Variants in MEIKIN observed in about 807,000 individuals in gnomAD.
MEIKIN encodes the protein meiotic kinetochore factor, also known as meiosis-specific kinetochore protein.
chr5:131,901,402 G>A (rs1391140592), intron 8 of MEIKIN, among the ~76,000 whole-genome samples: 1 of 152,104 alleles, frequency 6.6e-6, no homozygotes, highest in Non-Finnish European at 1.5e-5. Flanking sequence ...CCCCAGTGGG[G>A]CCTGTTCCCC....
At chr5:131,894,950 G>C (rs1001733765) in intron 8 of MEIKIN, among the ~76,000 whole-genome samples, 1 of 152,166 alleles carries the variant, frequency 6.6e-6, no homozygotes, top group Non-Finnish European at 1.5e-5. Context: ...AATAGGAGTG[G>C]TGAGAGAGCA....
intron 8 of MEIKIN, among the ~76,000 whole-genome samples, chr5:131,907,152 A>C (rs1751255564): frequency 6.6e-6 from 1 of 152,188 alleles, no homozygotes; most frequent in African/African-American, 2.4e-5. Context: ...TCATAATGGA[A>C]ATACAACATA....
intron 4 of MEIKIN, among the ~76,000 whole-genome samples, chr5:131,940,954 T>C (rs1324123117): frequency 6.6e-6 from 1 of 152,072 alleles, no homozygotes; most frequent in Non-Finnish European, 1.5e-5. Flanking sequence ...AGCCCCAACA[T>C]TGACCCTTAA....
intron 4 of MEIKIN, among the ~76,000 whole-genome samples, chr5:131,938,946 T>C (rs1247870729): frequency 1.3e-5 from 2 of 152,332 alleles, no homozygotes; most frequent in East Asian, 3.9e-4. Flanking sequence ...CAGGCCATAT[T>C]ACCAGAACGC....
At chr5:131,864,627 T>C (rs1312328701) in intron 9 of MEIKIN, among the ~76,000 whole-genome samples, 1 of 152,210 alleles carries the variant, frequency 6.6e-6, no homozygotes, top group Non-Finnish European at 1.5e-5. Flanking sequence ...GACTAGATAC[T>C]TTTCTCCTGC....
chr5:131,928,601 A>C (rs1011092579), intron 5 of MEIKIN, among the ~76,000 whole-genome samples: 2 of 152,194 alleles, frequency 1.3e-5, no homozygotes, highest in Non-Finnish European at 2.9e-5. Context: ...ATCTTCAGTT[A>C]GTTTTTAACG....
chr5:131,916,242 A>G (rs574829222), intron 7 of MEIKIN, among the ~76,000 whole-genome samples: 27 of 152,294 alleles, frequency 1.8e-4, no homozygotes, highest in Middle Eastern at 6.8e-3. Context: ...TATATTTACA[A>G]TTGTCACTGT....
In MEIKIN at chr5:131,807,148, T is replaced by C. The variant is rs1772860525; in HGVS notation, c.*88A>G. ...GGAGAATTTTTAATTTTTAATTTCA[T>C]ATAATTTCAGGCAGACATTCTGCTT... On this transcript the variant is annotated 3_prime_UTR_variant, in exon 13 of 13. Coordinates refer to ENST00000442687, the MANE Select transcript of MEIKIN (RefSeq NM_001303622.2). 2 of 398,180 alleles carry C rather than the reference T, an allele frequency of 5.0e-6. No individual in the cohort carries two copies. The highest frequency in any genetic ancestry group is 2.1e-5 in the African/African-American group (1 of 48,628). The allele number at this position is 398,180 out of a possible 1,614,324, so 24.7% of individuals were successfully genotyped here. A position where few individuals can be genotyped will look rare whatever the true frequency, so the allele number is the denominator to read the frequency against.
chr5:131,878,470 G>A (rs888019134), intron 9 of MEIKIN, among the ~76,000 whole-genome samples: 16 of 152,170 alleles, frequency 1.1e-4, no homozygotes, highest in African/African-American at 3.9e-4. Flanking sequence ...GGGAGGCTGA[G>A]GCAGGAGAAT....
intron 8 of MEIKIN, among the ~76,000 whole-genome samples, chr5:131,898,705 A>T (rs1751097403): frequency 6.6e-6 from 1 of 151,956 alleles, no homozygotes; most frequent in Admixed American, 6.6e-5. Flanking sequence ...AGTGAGCAAA[A>T]CTCCGTGGGC....
intron 10 of MEIKIN, 127 bp from the exon 11 acceptor site, chr5:131,851,510 A>C (rs1263616993): frequency 5.1e-6 from 2 of 389,926 alleles, no homozygotes; most frequent in Non-Finnish European, 9.1e-6. Context: ...TTGACACAGG[A>C]ACAATTTCAT....
At chr5:131,933,258 T>G (rs1018494626) in intron 5 of MEIKIN, among the ~76,000 whole-genome samples, 4 of 152,146 alleles carry the variant, frequency 2.6e-5, no homozygotes, top group African/African-American at 9.7e-5. Context: ...AGGTGCAAAA[T>G]TGATTAATAA....
chr5:131,858,972 T>C (rs1750239243), intron 9 of MEIKIN, among the ~76,000 whole-genome samples: 1 of 152,242 alleles, frequency 6.6e-6, no homozygotes, highest in Non-Finnish European at 1.5e-5. Context: ...TATCCACTGC[T>C]GGTGGGAATA....
chr5:131,862,340 T>C (rs1750300597), intron 9 of MEIKIN, among the ~76,000 whole-genome samples: 1 of 152,156 alleles, frequency 6.6e-6, no homozygotes, highest in African/African-American at 2.4e-5. Flanking sequence ...CTCTCTTCTT[T>C]CCTTGGTTAA....
At chr5:131,885,735 G>A (rs2149631401) in intron 8 of MEIKIN, among the ~76,000 whole-genome samples, 2 of 152,198 alleles carry the variant, frequency 1.3e-5, no homozygotes, top group Middle Eastern at 3.4e-3. Context: ...ACATCTACAA[G>A]CATCAGTACT....
intron 9 of MEIKIN, among the ~76,000 whole-genome samples, chr5:131,873,616 G>A (rs1006020080): frequency 3.3e-5 from 5 of 152,092 alleles, no homozygotes; most frequent in Non-Finnish European, 7.4e-5. Flanking sequence ...CAAGGATACC[G>A]AGGAATTGAA....
At chr5:131,868,740 C>T (rs1469229672) in intron 9 of MEIKIN, among the ~76,000 whole-genome samples, 1 of 151,892 alleles carries the variant, frequency 6.6e-6, no homozygotes, top group Admixed American at 6.6e-5. Context: ...AAAAATGTTG[C>T]CCAGGCTTGT....
intron 9 of MEIKIN, among the ~76,000 whole-genome samples, chr5:131,867,183 A>C (rs531979543): frequency 6.6e-6 from 1 of 152,150 alleles, no homozygotes; most frequent in Non-Finnish European, 1.5e-5. Flanking sequence ...TCCAAATTCA[A>C]CTGACTTTTT....
At chr5:131,936,211 T>C (rs1751774112) in intron 4 of MEIKIN, among the ~76,000 whole-genome samples, 1 of 152,196 alleles carries the variant, frequency 6.6e-6, no homozygotes, top group Non-Finnish European at 1.5e-5. Flanking sequence ...AAGTTAGAAA[T>C]GTAAATGCAA....
Sources: gnomAD v4.1 joint callset for allele counts (sites outside exome capture counted in the v4.1 genomes callset) on GRCh38, gnomAD v4.1.1 for gene constraint, MANE v1.5 for transcripts, NCBI Gene and HGNC (gene_info 2026-07-23, HGNC 2026-07-21) for gene names.